NIPSNAP3B: variants seen among roughly 807,000 people sequenced by gnomAD.
NIPSNAP3B encodes the protein nipsnap homolog 3B, also known as protein NipSnap homolog 3B.
A neutral mutation model predicts 31.5 loss-of-function variants in NIPSNAP3B; 30 were observed. The ratio of observed to expected loss-of-function variants is 0.95; its 90% CI spans 0.71 to 1.29. The LOEUF is 1.29. Among genes scored for constraint, NIPSNAP3B ranks in the 50% most tolerant of loss-of-function variants. The pLI is 0.00. For synonymous variants in NIPSNAP3B, 106 were observed against 107.9 expected, an observed-to-expected ratio of 0.98 and a Z score of 0.11; for missense variants, 269 against 300.7, an observed-to-expected ratio of 0.89 and a Z score of 0.78.
the NIPSNAP3B span, chr9:104,783,934 T>C: frequency 5.2e-6 from 1 of 190,736 alleles, no homozygotes; most frequent in Non-Finnish European, 1.1e-5. Flanking sequence ...TGATCAATAA[T>C]CGCTGGCCAT....
the NIPSNAP3B span, among the ~76,000 whole-genome samples, chr9:104,784,833 G>A: frequency 2.6e-5 from 4 of 152,044 alleles, no homozygotes; most frequent in Non-Finnish European, 4.4e-5. Context: ...TAGTAGAGAC[G>A]GGGTTTCACC....
In NIPSNAP3B at chr9:104,772,992, T is replaced by C; in HGVS notation, c.668-5T>C. On this transcript the variant is annotated splice_polypyrimidine_tract_variant and splice_region_variant and intron_variant, in intron 5 of 5. Transcript: ENST00000374762. ...TGTATGCCTTCTTATGAAATGTTTT[T>C]CCAGTTCGGGAAAGTGTCAACTACC... 1 of 1,614,126 alleles carries C rather than the reference T, an allele frequency of 6.2e-7. No individual in the cohort carries two copies. The highest frequency in any genetic ancestry group is 8.5e-7 in the Non-Finnish European group (1 of 1,179,962).
chr9:104,774,421 A>G lies in NIPSNAP3B; in HGVS notation c.*1348A>G, dbSNP rs377493647. On this transcript the variant is annotated 3_prime_UTR_variant, in exon 6 of 6. Coordinates refer to ENST00000374762, the MANE Select transcript of NIPSNAP3B (RefSeq NM_018376.4). ...TTCAAAGAGGCCTAAGACATCTCACATTTATGTGAAATAGTTGAGGCACAA... is the reference window on the plus strand; with the variant it reads ...TTCAAAGAGGCCTAAGACATCTCACGTTTATGTGAAATAGTTGAGGCACAA... Among the ~76,000 whole-genome samples the G allele has an allele frequency of 3.2e-4, 48 of 152,246 alleles. No individual in the cohort carries two copies. The highest frequency in any genetic ancestry group is 1.1e-3 in the African/African-American group (44 of 41,466).
At chr9:104,786,346 A>T in the NIPSNAP3B span, 1 of 1,614,152 alleles carries the variant, frequency 6.2e-7, no homozygotes, top group Admixed American at 1.7e-5. Context: ...CCTTCCATTG[A>T]CCATGATTGC....
chr9:104,764,246 C>G lies in NIPSNAP3B; in HGVS notation c.6C>G (p.Leu2=). The part of the protein sequence containing the change: M[L]VLRSGLTKAL... ...CTCAGTGCCGAAGCCGCGCCATGCT[C>G]GTTCTCAGAAGCGGCCTGACCAAGG... Residue 2 remains leucine (L), a synonymous_variant, in exon 1 of 6, where the codon CTC becomes CTG. Transcript: ENST00000374762. 1.2e-6 allele frequency: 2 copies of G among 1,602,014 alleles called. No homozygotes were observed. The highest frequency in any genetic ancestry group is 1.7e-6 in the Non-Finnish European group (2 of 1,176,076).
the NIPSNAP3B span, chr9:104,787,900 C>A: frequency 1.2e-6 from 2 of 1,613,944 alleles, no homozygotes; most frequent in South Asian, 2.2e-5. Flanking sequence ...CAACAGTTTT[C>A]CATCCACAGT....
the NIPSNAP3B span, chr9:104,785,618 T>A: frequency 2.5e-6 from 4 of 1,614,068 alleles, no homozygotes; most frequent in Non-Finnish European, 3.4e-6. Context: ...TTCGTACAAC[T>A]ATTGTATAAC....
the NIPSNAP3B span, among the ~76,000 whole-genome samples, chr9:104,785,831 G>A: frequency 5.3e-5 from 8 of 152,218 alleles, no homozygotes; most frequent in African/African-American, 1.7e-4. Flanking sequence ...GCCATGTGCT[G>A]TAAATACATG....
chr9:104,774,287 C>T lies in NIPSNAP3B; in HGVS notation c.*1214C>T, dbSNP rs1828288167. 1.3e-5 allele frequency among the ~76,000 whole-genome samples: 2 copies of T among 152,144 alleles called. No homozygotes were observed. Among genetic ancestry groups the T allele is most frequent in the Admixed American group, 6.5e-5 (1 of 15,276 alleles). ...TTCCTCTCATTTATCAGGCTCTAAG[C>T]GATCTGCAGTTTATCTGGGCTATTA... On this transcript the variant is annotated 3_prime_UTR_variant, in exon 6 of 6. Coordinates refer to ENST00000374762, the MANE Select transcript of NIPSNAP3B (RefSeq NM_018376.4).
At chr9:104,769,369 G>A (rs1828159673) in intron 3 of NIPSNAP3B, among the ~76,000 whole-genome samples, 2 of 149,260 alleles carry the variant, frequency 1.3e-5, no homozygotes, top group Admixed American at 6.8e-5. Context: ...CAGGGGAATG[G>A]CGTGAACCCA....
intron 4 of NIPSNAP3B, chr9:104,771,359 C>G (rs1237536112): frequency 6.3e-6 from 1 of 157,896 alleles, no homozygotes; most frequent in Non-Finnish European, 1.4e-5. Flanking sequence ...CTAATCCTCT[C>G]CCTCCTCCCA....
chr9:104,771,739 T>G (rs1828224617), intron 4 of NIPSNAP3B, among the ~76,000 whole-genome samples: 1 of 152,238 alleles, frequency 6.6e-6, no homozygotes, highest in Admixed American at 6.5e-5. Context: ...TCTGGGTATA[T>G]ATCCAGTAAT....
At chr9:104,764,754 G>A (rs1274625184) in intron 1 of NIPSNAP3B, among the ~76,000 whole-genome samples, 3 of 151,978 alleles carry the variant, frequency 2.0e-5, no homozygotes, top group South Asian at 4.2e-4. Flanking sequence ...TCACCATGTT[G>A]GTCAGGCTGG....
intron 3 of NIPSNAP3B, among the ~76,000 whole-genome samples, chr9:104,770,361 G>A (rs897355102): frequency 2.0e-5 from 3 of 151,972 alleles, no homozygotes; most frequent in Non-Finnish European, 2.9e-5. Context: ...ACATGACTTT[G>A]GGTCAACTAG....
chr9:104,785,359 CCT>C, the NIPSNAP3B span: 1 of 1,612,778 alleles, frequency 6.2e-7, no homozygotes, highest in Non-Finnish European at 8.5e-7. Context: ...GAATCCACAC[CCT>C]GAGAAGTAAA....
chr9:104,790,538 A>G, the NIPSNAP3B span, among the ~76,000 whole-genome samples: 1 of 152,214 alleles, frequency 6.6e-6, no homozygotes, highest in African/African-American at 2.4e-5. Flanking sequence ...TCTCAATTGT[A>G]TGGCACATTT....
In NIPSNAP3B at chr9:104,772,910, T is replaced by C. The variant is rs763866446; in HGVS notation, c.667+2T>C. The C allele has an allele frequency of 4.6e-5, 75 of 1,613,020 alleles. 1 individual carries two copies. In the Admixed American group the frequency reaches 1.2e-3, roughly 27 times the overall value. On this transcript the variant is annotated splice_donor_variant, in intron 5 of 5. Transcript: ENST00000374762. LOFTEE classifies it high-confidence loss of function. ...AGGATCCCAGAGTTGTGGCGGCTGG[T>C]AAGCTGTTTCACTAAGCACGAATTA...
At chr9:104,784,748 A>G in the NIPSNAP3B span, among the ~76,000 whole-genome samples, 1 of 152,152 alleles carries the variant, frequency 6.6e-6, no homozygotes, top group Admixed American at 6.5e-5. Context: ...GGTTCGAGCA[A>G]TTCTCCTGCC....
chr9:104,769,951 A>T (rs1027004908), intron 3 of NIPSNAP3B, among the ~76,000 whole-genome samples: 2 of 152,216 alleles, frequency 1.3e-5, no homozygotes, highest in Non-Finnish European at 2.9e-5. Context: ...TTTTAAACAG[A>T]GGTCAGATTC....
Sources: gnomAD v4.1 joint callset for allele counts (sites outside exome capture counted in the v4.1 genomes callset) on GRCh38, gnomAD v4.1.1 for gene constraint, MANE v1.5 for transcripts, NCBI Gene and HGNC (gene_info 2026-07-23, HGNC 2026-07-21) for gene names.